PTPRG: variants seen among roughly 807,000 people sequenced by gnomAD.
The protein encoded by PTPRG is protein tyrosine phosphatase receptor type G.
Under a neutral mutation model 165.3 loss-of-function variants are expected in PTPRG, and 102 were observed. The observed-to-expected ratio is 0.62, with a 90% confidence interval of 0.53 to 0.73. The LOEUF (loss-of-function observed/expected upper bound fraction) is 0.73. Ranked by LOEUF, PTPRG falls within the 30% of genes least tolerant of loss-of-function variation. PTPRG has a pLI of 0.00. For missense variants in PTPRG, 1,866 were observed against 1,861.4 expected, an observed-to-expected ratio of 1.00 and a Z score of -0.05; for synonymous variants, 675 against 669.5, an observed-to-expected ratio of 1.01 and a Z score of -0.13.
chr3:61,973,307 A>G (rs1367784863), intron 2 of PTPRG, among the ~76,000 whole-genome samples: 2 of 152,184 alleles, frequency 1.3e-5, no homozygotes, highest in East Asian at 3.9e-4. Flanking sequence ...ATCACTAAGC[A>G]TTTTCTCTGG....
chr3:62,017,143 G>A (rs997970193), intron 4 of PTPRG, among the ~76,000 whole-genome samples: 1 of 152,154 alleles, frequency 6.6e-6, no homozygotes, highest in Admixed American at 6.5e-5. Context: ...CCATAACAGC[G>A]TAAGCAGTGT....
chr3:61,931,254 T>C (rs2039354468), intron 2 of PTPRG, among the ~76,000 whole-genome samples: 1 of 152,196 alleles, frequency 6.6e-6, no homozygotes, highest in Non-Finnish European at 1.5e-5. Flanking sequence ...CTCTGGAAGG[T>C]TTTGCGATGT....
At chr3:62,088,433 C>T (rs547316861) in intron 5 of PTPRG, among the ~76,000 whole-genome samples, 1 of 152,340 alleles carries the variant, frequency 6.6e-6, no homozygotes, top group Admixed American at 6.5e-5. Context: ...CTAATAATCC[C>T]AGTCCTAAGA....
intron 1 of PTPRG, among the ~76,000 whole-genome samples, chr3:61,701,104 C>T (rs2030929159): frequency 6.6e-6 from 1 of 152,148 alleles, no homozygotes; most frequent in South Asian, 2.1e-4. Flanking sequence ...CCCCTTTGTT[C>T]TGTTTAAGGC....
At chr3:61,806,726 A>G (rs1431530258) in intron 2 of PTPRG, among the ~76,000 whole-genome samples, 1 of 152,222 alleles carries the variant, frequency 6.6e-6, no homozygotes, top group African/African-American at 2.4e-5. Context: ...CAGAGTGGTA[A>G]TTATTCTTTA....
chr3:61,723,316 G>T (rs12493137), intron 1 of PTPRG, among the ~76,000 whole-genome samples: 50,890 of 151,592 alleles, frequency 0.34, 9,491 homozygotes, highest in East Asian at 0.71. Context: ...ATGGCCTGAT[G>T]ATCTGTTGAG....
At chr3:62,083,056 G>C (rs946496174) in intron 5 of PTPRG, among the ~76,000 whole-genome samples, 3 of 152,142 alleles carry the variant, frequency 2.0e-5, no homozygotes, top group Non-Finnish European at 4.4e-5. Flanking sequence ...AGGGATAGAG[G>C]AATTTGTTGT....
intron 2 of PTPRG, among the ~76,000 whole-genome samples, chr3:61,824,762 G>T (rs986323692): frequency 6.6e-6 from 1 of 152,210 alleles, no homozygotes; most frequent in Non-Finnish European, 1.5e-5. Flanking sequence ...TTGTACTTCA[G>T]CCTGGGCAAC....
intron 2 of PTPRG, among the ~76,000 whole-genome samples, chr3:61,946,381 GGATTTAATTTAGGGAACAGAGAAA>G (rs1268774237): frequency 2.0e-5 from 3 of 152,158 alleles, no homozygotes; most frequent in Non-Finnish European, 2.9e-5. Context: ...GAACAGAGAA[GGATTTAATTTAGGGAACAGAGAAA>G]GATTTAATTT....
chr3:61,956,653 G>A (rs2040038772), intron 2 of PTPRG, among the ~76,000 whole-genome samples: 1 of 152,048 alleles, frequency 6.6e-6, no homozygotes, highest in African/African-American at 2.4e-5. Flanking sequence ...AATGAAGCAG[G>A]GCAAATGGGA....
Position 62,237,855 on chromosome 3 carries a change from A to G in PTPRG, c.2376-5952A>G, listed in dbSNP as rs566390737. 6.6e-6 allele frequency among the ~76,000 whole-genome samples: 1 copy of G among 152,314 alleles called. No individual in the cohort carries two copies. The highest frequency in any genetic ancestry group is 2.4e-5 in the African/African-American group (1 of 41,574). ...TGCCATACAGATTTGATCAGCTACT[A>G]TCACACATTACCCTCTGGACTTCCA... is the stretch of plus-strand genomic sequence containing the variant. On this transcript the variant is annotated intron_variant, in intron 14 of 29. Coordinates refer to ENST00000474889, the MANE Select transcript of PTPRG (RefSeq NM_002841.4). This position sits in a 1 kb window ranked among gnomAD's most constrained non-coding sequence, Gnocchi z 4.5.
At chr3:61,864,149 A>G (rs990770674) in intron 2 of PTPRG, among the ~76,000 whole-genome samples, 2 of 152,184 alleles carry the variant, frequency 1.3e-5, no homozygotes, top group Non-Finnish European at 2.9e-5. Context: ...ACACAGTCAA[A>G]CAATCCCTTC....
chr3:62,235,648 A>G (rs1289065899), intron 14 of PTPRG, among the ~76,000 whole-genome samples: 1 of 152,176 alleles, frequency 6.6e-6, no homozygotes, highest in African/African-American at 2.4e-5. Context: ...ATTGCAGGCA[A>G]TTTGAATCAT....
chr3:62,275,796 G>A, intron 23 of PTPRG, 77 bp from the exon 24 acceptor site: 1 of 1,053,930 alleles, frequency 9.5e-7, no homozygotes, highest in Non-Finnish European at 1.4e-6. Flanking sequence ...AATCTGATTG[G>A]GATTTTTGCC....
At position 61,921,965 on chromosome 3, in the gene PTPRG, C is replaced by A. The variant is rs367547956; in HGVS notation, c.191-67660C>A. On this transcript the variant is annotated intron_variant, in intron 2 of 29. Coordinates refer to ENST00000474889, the MANE Select transcript of PTPRG (RefSeq NM_002841.4). ...CCTCTGTTTAACATAATAAATTAAG[C>A]ATCCAGATCTGTCTTTAATGTATCA... is the stretch of plus-strand genomic sequence containing the variant. Among the ~76,000 whole-genome samples the A allele has an allele frequency of 2.6e-5, 4 of 152,250 alleles. No individual in the cohort carries two copies. The East Asian group carries it at 5.8e-4, about 22-fold the overall frequency.
intron 1 of PTPRG, among the ~76,000 whole-genome samples, chr3:61,706,642 A>G (rs2031274337): frequency 6.6e-6 from 1 of 151,898 alleles, no homozygotes; most frequent in Non-Finnish European, 1.5e-5. Context: ...TACAGGCGCT[A>G]CCACGCCCAG....
chr3:61,784,351 A>T (rs112326644), intron 2 of PTPRG, among the ~76,000 whole-genome samples: 9 of 152,086 alleles, frequency 5.9e-5, no homozygotes, highest in African/African-American at 2.2e-4. Flanking sequence ...CCCTTCCTTC[A>T]TTTTTTTCAG....
chr3:61,787,563 G>C (rs2034745461), intron 2 of PTPRG, among the ~76,000 whole-genome samples: 1 of 152,220 alleles, frequency 6.6e-6, no homozygotes, highest in Non-Finnish European at 1.5e-5. Context: ...GGACAGTACA[G>C]TTACTGAATC....
At chr3:62,002,482 G>C (rs539604849) in intron 3 of PTPRG, among the ~76,000 whole-genome samples, 2 of 152,302 alleles carry the variant, frequency 1.3e-5, no homozygotes, top group Non-Finnish European at 2.9e-5. Context: ...CTCTTGAATA[G>C]AATTTGTTTT....
Sources: gnomAD v4.1 joint callset for allele counts (sites outside exome capture counted in the v4.1 genomes callset) on GRCh38, gnomAD v4.1.1 for gene constraint, Gnocchi (gnomAD v3.1) non-coding constraint, MANE v1.5 for transcripts, NCBI Gene and HGNC (gene_info 2026-07-23, HGNC 2026-07-21) for gene names.